ADGRB3: variants seen among roughly 807,000 people sequenced by gnomAD.
The protein encoded by ADGRB3 is adhesion G protein-coupled receptor B3, also known as brain-specific angiogenesis inhibitor 3.
A neutral mutation model predicts 193.4 loss-of-function variants in ADGRB3; 37 were observed. That is an observed-to-expected ratio of 0.19 (90% CI 0.15 to 0.25). The LOEUF (loss-of-function observed/expected upper bound fraction) is 0.25, where lower values mean the gene tolerates loss of function less well. ADGRB3 is among the 10% of genes least tolerant of loss of function. ADGRB3 has a pLI of 1.00. For missense variants in ADGRB3, 1,637 were observed against 1,852.9 expected (o/e 0.88, Z 2.14); for synonymous variants, 690 against 644.2 (o/e 1.07, Z -1.08).
rs1287151486 is a variant in ADGRB3 at position 69,084,767 on chromosome 6, T to C, written c.2480+8729T>C. The stretch of plus-strand genomic sequence containing the variant: ...ATATCTCATCACTCTAAGCTCCAGA[T>C]TACTGAAAACATCAAAATGGGCATA... On this transcript the variant is annotated intron_variant, in intron 17 of 31. Coordinates refer to ENST00000370598, the MANE Select transcript of ADGRB3 (RefSeq NM_001704.3). Among the ~76,000 whole-genome samples the C allele has an allele frequency of 6.6e-5, 10 of 152,112 alleles. No homozygotes were observed. The East Asian group carries it at 1.7e-3, about 26-fold the overall frequency.
chr6:69,220,776 C>G (rs541256642), intron 17 of ADGRB3, among the ~76,000 whole-genome samples: 26 of 152,072 alleles, frequency 1.7e-4, no homozygotes, highest in Admixed American at 3.3e-4. Context: ...AGTAATAGTT[C>G]AAAGGAGTAA....
intron 3 of ADGRB3, among the ~76,000 whole-genome samples, chr6:68,869,098 T>C (rs1236344979): frequency 1.3e-5 from 2 of 152,148 alleles, no homozygotes; most frequent in Non-Finnish European, 2.9e-5. Context: ...TTCTCAGCAG[T>C]CAACTGGAAG....
chr6:69,186,047 C>T (rs1329597349), intron 17 of ADGRB3, among the ~76,000 whole-genome samples: 1 of 151,844 alleles, frequency 6.6e-6, no homozygotes, highest in Non-Finnish European at 1.5e-5. Flanking sequence ...GTGCTGGTAA[C>T]CAATTAGCTT....
At chr6:69,363,872 G>A (rs184217789) in intron 29 of ADGRB3, among the ~76,000 whole-genome samples, 138 of 152,136 alleles carry the variant, frequency 9.1e-4, no homozygotes, top group Non-Finnish European at 1.8e-3. Context: ...ACTGGTGAGG[G>A]AGATGCTATT....
chr6:68,801,756 G>C (rs1254752329), intron 3 of ADGRB3, among the ~76,000 whole-genome samples: 1 of 152,120 alleles, frequency 6.6e-6, no homozygotes, highest in Non-Finnish European at 1.5e-5. Context: ...CAAGAGCTCA[G>C]TGCTCTCCTC....
chr6:69,226,900 C>T (rs1473817024), intron 17 of ADGRB3, among the ~76,000 whole-genome samples: 1 of 152,198 alleles, frequency 6.6e-6, no homozygotes, highest in Non-Finnish European at 1.5e-5. Context: ...CCATTAAGAC[C>T]TCTTGAGGCT....
At chr6:68,993,614 G>C (rs1046358268) in intron 10 of ADGRB3, among the ~76,000 whole-genome samples, 154 bp from the exon 11 acceptor site, 8 of 152,090 alleles carry the variant, frequency 5.3e-5, no homozygotes, top group African/African-American at 1.9e-4. Flanking sequence ...TCTGAGTATG[G>C]GATACACACA....
At chr6:69,039,265 A>G (rs896368524) in intron 13 of ADGRB3, among the ~76,000 whole-genome samples, 8 of 150,036 alleles carry the variant, frequency 5.3e-5, no homozygotes, top group Non-Finnish European at 1.0e-4. Context: ...AAAAAAAAAA[A>G]CATATGTTTA....
At chr6:68,731,926 T>C (rs1765783539) in intron 3 of ADGRB3, among the ~76,000 whole-genome samples, 1 of 151,720 alleles carries the variant, frequency 6.6e-6, no homozygotes, top group Non-Finnish European at 1.5e-5. Context: ...TGCACATATA[T>C]ACATATGTCT....
rs570517517 is a variant in ADGRB3, at chr6:68,744,851, C to T, written c.757+105419C>T. ...TGTATACCTATGTAACAAAACTACACGTTCTGCACATGTACCCCAGAACTT... is the reference window on the plus strand; with the variant it reads ...TGTATACCTATGTAACAAAACTACATGTTCTGCACATGTACCCCAGAACTT... On this transcript the variant is annotated intron_variant, in intron 3 of 31. Coordinates refer to ENST00000370598, the MANE Select transcript of ADGRB3 (RefSeq NM_001704.3). Among the ~76,000 whole-genome samples the T allele has an allele frequency of 3.3e-5, 5 of 152,136 alleles. No individual in the cohort carries two copies. In the South Asian group the frequency reaches 8.3e-4, roughly 25 times the overall value.
At chr6:69,057,756 A>G (rs942051266) in intron 15 of ADGRB3, among the ~76,000 whole-genome samples, 4 of 152,020 alleles carry the variant, frequency 2.6e-5, no homozygotes, top group African/African-American at 4.8e-5. Flanking sequence ...ATTTGTGGAA[A>G]CATCTTTGCA....
intron 3 of ADGRB3, among the ~76,000 whole-genome samples, chr6:68,801,142 G>A (rs541597082): frequency 6.6e-6 from 1 of 152,194 alleles, no homozygotes; most frequent in Non-Finnish European, 1.5e-5. Flanking sequence ...TATATATAAT[G>A]GAAAAACTTA....
At chr6:69,301,239 T>C (rs1243357855) in intron 20 of ADGRB3, among the ~76,000 whole-genome samples, 2 of 151,862 alleles carry the variant, frequency 1.3e-5, no homozygotes, top group South Asian at 2.1e-4. Context: ...AAATCTATTA[T>C]ACAATTTTTA....
rs142863825 is a variant in ADGRB3, at chr6:69,354,300, C to T, written c.3527C>T (p.Ser1176Leu). 5.4e-5 allele frequency: 87 copies of T among 1,613,582 alleles called. No individual in the cohort carries two copies. Among genetic ancestry groups the T allele is most frequent in the Admixed American group, 2.2e-4 (13 of 59,968 alleles). The change falls in exon 27 of 32, where the codon TCG (serine) becomes TTG (leucine). Residue 1176 changes from serine (S) to leucine (L), a missense_variant. By Grantham distance (145) the Ser-to-Leu change is moderately radical. Transcript: ENST00000370598. The stretch of plus-strand genomic sequence containing the variant: ...CCCATCAATGCAGATTCTTCGAGTT[C>T]GTTTCCTAATGGGCATGCTCAAATC... ...QDPINADSSS[S>L]FPNGHAQIMT...
chr6:68,868,332 T>C (rs1765361511), intron 3 of ADGRB3, among the ~76,000 whole-genome samples: 1 of 152,186 alleles, frequency 6.6e-6, no homozygotes, highest in African/African-American at 2.4e-5. Flanking sequence ...CCCATTCACC[T>C]TCCGCCATGA....
At chr6:69,004,626 A>G (rs902099401) in intron 11 of ADGRB3, among the ~76,000 whole-genome samples, 1 of 131,426 alleles carries the variant, frequency 7.6e-6, no homozygotes, top group Admixed American at 8.8e-5. Flanking sequence ...AAGTGTTCTC[A>G]TTGTTCAGTT....
At chr6:68,836,494 G>A (rs989991392) in intron 3 of ADGRB3, among the ~76,000 whole-genome samples, 2 of 152,096 alleles carry the variant, frequency 1.3e-5, no homozygotes, top group Admixed American at 6.6e-5. Context: ...GATTCAAGCA[G>A]AGACAGTCTT....
intron 3 of ADGRB3, among the ~76,000 whole-genome samples, chr6:68,677,000 C>T (rs769036938): frequency 2.5e-4 from 38 of 152,174 alleles, no homozygotes; most frequent in Admixed American, 3.3e-4. Context: ...ATTGTTTATT[C>T]AATTGCATTT....
At chr6:69,144,110 T>C (rs1263026177) in intron 17 of ADGRB3, among the ~76,000 whole-genome samples, 1 of 152,152 alleles carries the variant, frequency 6.6e-6, no homozygotes, top group African/African-American at 2.4e-5. Flanking sequence ...CTTTGGTTAA[T>C]TCCTAAGTAT....
Sources: allele counts gnomAD v4.1 joint callset (sites outside exome capture counted in the v4.1 genomes callset), GRCh38; gene constraint gnomAD v4.1.1; transcripts MANE v1.5; gene names NCBI Gene and HGNC (gene_info 2026-07-23, HGNC 2026-07-21).